The following COL9A3 variants were observed in gnomAD, a reference collection of about 807,000 sequenced individuals.
The protein encoded by COL9A3 is collagen alpha-3(IX) chain.
COL9A3 carries 82 observed loss-of-function variants against 110.2 expected under a neutral mutation model. The ratio of observed to expected loss-of-function variants is 0.74; its 90% CI spans 0.62 to 0.89. The LOEUF is 0.89. Ranked by LOEUF, COL9A3 falls within the 40% of genes least tolerant of loss-of-function variation. The pLI is 0.00. For synonymous variants in COL9A3, 494 were observed against 403.8 expected (o/e 1.22, Z -2.68); for missense variants, 1,066 against 981.3 (o/e 1.09, Z -1.15).
Position 62,837,010 on chromosome 20 carries a change from T to C in COL9A3, c.1604-73T>C, listed in dbSNP as rs570899040. 56 of 1,570,974 alleles carry C rather than the reference T, an allele frequency of 3.6e-5. 1 individual carries two copies. Among genetic ancestry groups the C allele is most frequent in the Middle Eastern group, 3.6e-4 (2 of 5,494 alleles). ...TCTGGAAGACAGCACCGTGTAGATA[T>C]TTTATGCTTTACGTAACAATACTTC... On this transcript the variant is annotated intron_variant, in intron 29 of 31. Coordinates refer to ENST00000649368, the MANE Select transcript of COL9A3 (RefSeq NM_001853.4).
intron 4 of COL9A3, 57 bp downstream of exon 4, chr20:62,819,350 G>A (rs1004200823): frequency 6.5e-5 from 99 of 1,515,710 alleles, no homozygotes; most frequent in Admixed American, 1.7e-4. Context: ...GTCCCTGGAG[G>A]AGTCCGGCCC....
chr20:62,821,806 C>A lies in COL9A3; in HGVS notation c.419C>A (p.Pro140His). The change falls in exon 8 of 32, where the codon CCC becomes CAC. Residue 140 changes from proline to histidine, a missense_variant. Transcript: ENST00000649368. The stretch of plus-strand genomic sequence containing the variant: ...CCAGGTGGGATCGGCCTCCGCGGCC[C>A]CCCGGTGAGTGGCTGTCCCAGAGCC... ...GPPGGIGLRG[P>H]PGPSGLPGLP... The A allele has an allele frequency of 1.2e-6, 2 of 1,601,018 alleles. No homozygotes were observed. Among genetic ancestry groups the A allele is most frequent in the Non-Finnish European group, 1.7e-6 (2 of 1,170,840 alleles).
intron 26 of COL9A3, among the ~76,000 whole-genome samples, chr20:62,834,350 G>T (rs1371764009): frequency 6.6e-6 from 1 of 152,194 alleles, no homozygotes; most frequent in Non-Finnish European, 1.5e-5. Flanking sequence ...ACTTCCACAG[G>T]CCTAAAACTC....
chr20:62,830,457 C>T (rs1157670054), intron 23 of COL9A3, 44 bp downstream of exon 23: 6 of 1,583,674 alleles, frequency 3.8e-6, no homozygotes, highest in Non-Finnish European at 4.3e-6. Flanking sequence ...GGGCGGCACA[C>T]CCAGACGGGC....
rs1324157182 is a variant in COL9A3 at position 62,830,421 on chromosome 20, A to G, written c.1215+8A>G. 14 of 1,566,616 alleles carry G rather than the reference A, an allele frequency of 8.9e-6. No individual in the cohort carries two copies. The highest frequency in any genetic ancestry group is 1.7e-4 in the Middle Eastern group (1 of 6,030). ...GGTGTCCGAGGCTTCCAGGTGGGTG[A>G]GGTTGGGGCAAGGGCCTGGCATGGG... On this transcript the variant is annotated splice_region_variant and intron_variant, in intron 23 of 31. Coordinates refer to ENST00000649368, the MANE Select transcript of COL9A3 (RefSeq NM_001853.4).
intron 26 of COL9A3, among the ~76,000 whole-genome samples, chr20:62,834,808 A>G (rs2063622897): frequency 6.6e-6 from 1 of 151,958 alleles, no homozygotes; most frequent in South Asian, 2.1e-4. Context: ...ACACCCGGCT[A>G]ATTTTTGTAT....
At chr20:62,817,705 C>A (rs2273080) in intron 2 of COL9A3, 70 bp downstream of exon 2, 1 of 1,074,840 alleles carries the variant, frequency 9.3e-7, no homozygotes. Flanking sequence ...TCCCTGAGCT[C>A]CCCGGCCTGA....
chr20:62,826,799 C>T lies in COL9A3; in HGVS notation c.771C>T (p.Ile257=), dbSNP rs776976158. The T allele has an allele frequency of 1.2e-6, 2 of 1,612,782 alleles. No homozygotes were observed. The highest frequency in any genetic ancestry group is 1.7e-6 in the Non-Finnish European group (2 of 1,179,938). ...TTGGGTTCCGAGGGCCGCCTGGGATCCCAGGAGCGCCTGGGAAAGCGGTAC... is the reference window on the plus strand; with the variant it reads ...TTGGGTTCCGAGGGCCGCCTGGGATTCCAGGAGCGCCTGGGAAAGCGGTAC... ...GPIGFRGPPG[I]PGAPGKAGDR... Residue 257 remains isoleucine (I), a synonymous_variant, in exon 15 of 32, where the codon ATC becomes ATT. Transcript: ENST00000649368.
At chr20:62,833,345 G>C (rs1473786807) in intron 26 of COL9A3, among the ~76,000 whole-genome samples, 1 of 152,236 alleles carries the variant, frequency 6.6e-6, no homozygotes, top group Non-Finnish European at 1.5e-5. Flanking sequence ...CCCGTGGAGT[G>C]GCACCTGCAT....
rs41306376 is a variant in COL9A3, at chr20:62,825,776, G to A, written c.631-41G>A. Reference sequence around the variant, plus strand: ...GGAGGCACCGAAAGGTGCAAGGAGAGCCAGACTGGGCCGCTGACCACCCTA... The same window carrying A: ...GGAGGCACCGAAAGGTGCAAGGAGAACCAGACTGGGCCGCTGACCACCCTA... On this transcript the variant is annotated intron_variant, in intron 12 of 31. Coordinates refer to ENST00000649368, the MANE Select transcript of COL9A3 (RefSeq NM_001853.4). The A allele has an allele frequency of 0.013, 19,405 of 1,548,494 alleles. 189 individuals carry two copies. The highest frequency in any genetic ancestry group is 0.024 in the South Asian group (2,051 of 84,052).
At chr20:62,836,367 A>G (rs978802967) in intron 28 of COL9A3, 34 bp downstream of exon 28, 6 of 1,613,834 alleles carry the variant, frequency 3.7e-6, no homozygotes, top group Non-Finnish European at 5.1e-6. Flanking sequence ...CAGCTTTCAC[A>G]GGGTTGAGAT....
Position 62,824,975 on chromosome 20 carries a change from C to G in COL9A3, c.584C>G (p.Thr195Ser), listed in dbSNP as rs1212156575. The G allele has an allele frequency of 6.2e-7, 1 of 1,610,152 alleles. No individual in the cohort carries two copies. Among genetic ancestry groups the G allele is most frequent in the Admixed American group, 1.7e-5 (1 of 59,818 alleles). The change falls in exon 12 of 32, where the codon ACT becomes AGT. Residue 195 changes from threonine (T) to serine (S), a missense_variant. Physicochemically the swap from Thr to Ser is moderately conservative, Grantham distance 58. Transcript: ENST00000649368. ...CCCCACATTTGCTTGCAGGGACCCA[C>G]TGGCTACAAAGGCGAGCAGGGGGAA... is the stretch of plus-strand genomic sequence containing the variant. ...PPGMPGFKGP[T>S]GYKGEQGEVG...
rs1463207941 is a variant in COL9A3, at chr20:62,817,631, T to C, written c.143T>C (p.Ile48Thr). 2.0e-6 allele frequency: 3 copies of C among 1,538,378 alleles called. No individual in the cohort carries two copies. Among genetic ancestry groups the C allele is most frequent in the African/African-American group, 1.4e-5 (1 of 72,482 alleles). ...CCCGGGAAGCCCGGCCAGGACGGCA[T>C]TGACGTGAGTTTGGGGGTGGGGAGG... ...GPPGKPGQDG[I>T]DGEAGPPGLP... is the part of the protein sequence containing the mutation. The change falls in exon 2 of 32, where the codon ATT (isoleucine) becomes ACT (threonine). Residue 48 changes from isoleucine (I) to threonine (T), a missense_variant. Coordinates refer to ENST00000649368, the MANE Select transcript of COL9A3 (RefSeq NM_001853.4).
upstream of COL9A3, among the ~76,000 whole-genome samples, chr20:62,816,721 GC>G (rs1990922442): frequency 6.6e-6 from 1 of 152,208 alleles, no homozygotes; most frequent in African/African-American, 2.4e-5. Context: ...GCCCTTCAGC[GC>G]CGCGCGCTTC....
In COL9A3 at chr20:62,818,552, C is replaced by A. The variant is rs149582526; in HGVS notation, c.182C>A (p.Pro61Gln). 3.4e-5 allele frequency: 55 copies of A among 1,612,792 alleles called. No individual in the cohort carries two copies. The highest frequency in any genetic ancestry group is 4.6e-5 in the Non-Finnish European group (54 of 1,179,826). Residue 61 changes from proline to glutamine, a missense_variant and splice_region_variant, in exon 3 of 32, where the codon CCG becomes CAG. Pro to Gln is a moderately conservative substitution (Grantham distance 76). Transcript: ENST00000649368. Reference protein sequence around the residue: ...EAGPPGLPGPPGPKGAPGKPG... With the variant: ...EAGPPGLPGPQGPKGAPGKPG... ...GGTCCTCCAGGTCTGCCTGGGCCCC[C>A]GGTGAGTGTCCCTGGCTGGGGAGAC... is the stretch of plus-strand genomic sequence containing the variant.
chr20:62,820,599 C>G (rs1053432752), intron 5 of COL9A3, among the ~76,000 whole-genome samples: 1 of 152,184 alleles, frequency 6.6e-6, no homozygotes, highest in African/African-American at 2.4e-5. Flanking sequence ...AGGCATGAGG[C>G]GGATTCTGAG....
At chr20:62,832,770 A>AAGTTCTGCTT in intron 25 of COL9A3, 1 of 405,350 alleles carries the variant, frequency 2.5e-6, no homozygotes, top group Non-Finnish European at 4.6e-6. Context: ...CCCCCACCGC[A>AAGTTCTGCTT]GGTTCTGCTT....
chr20:62,818,950 T>A (rs1775407448), intron 3 of COL9A3, among the ~76,000 whole-genome samples: 1 of 152,128 alleles, frequency 6.6e-6, no homozygotes. Context: ...TGCTGGCCCT[T>A]AGCCAGGGAG....
At chr20:62,821,266 G>A (rs746248478) in intron 6 of COL9A3, 50 bp downstream of exon 6, 2 of 1,590,802 alleles carry the variant, frequency 1.3e-6, no homozygotes, top group Non-Finnish European at 1.7e-6. Context: ...TGGGGAGCTG[G>A]AGAGTCTGGT....
Sources: gnomAD v4.1 joint callset for allele counts (sites outside exome capture counted in the v4.1 genomes callset) on GRCh38, gnomAD v4.1.1 for gene constraint, MANE v1.5 for transcripts, NCBI Gene and HGNC (gene_info 2026-07-23, HGNC 2026-07-21) for gene names.